The following SLC7A2 variants were observed in gnomAD, a reference collection of about 807,000 sequenced individuals.
SLC7A2 encodes solute carrier family 7 member 2.
A neutral mutation model predicts 58.9 loss-of-function variants in SLC7A2; 48 were observed. The observed-to-expected ratio is 0.82, with a 90% CI of 0.65 to 1.04. The LOEUF (loss-of-function observed/expected upper bound fraction) is 1.04. Among genes scored for constraint, SLC7A2 ranks in the 50% least tolerant of loss-of-function variants. The probability of loss-of-function intolerance (pLI) is 0.00; values close to 1 mark genes in which losing one functional copy is unlikely to be tolerated. For synonymous variants in SLC7A2, 363 were observed against 314.5 expected, an observed-to-expected ratio of 1.15 and a Z score of -1.63; for missense variants, 1,029 against 818.8, an observed-to-expected ratio of 1.26 and a Z score of -3.13.
intron 2 of SLC7A2, among the ~76,000 whole-genome samples, chr8:17,524,706 G>C (rs1404968013): frequency 6.6e-6 from 1 of 151,980 alleles, no homozygotes; most frequent in Non-Finnish European, 1.5e-5. Context: ...CTGGGTACAG[G>C]GTACACTGCT....
upstream of SLC7A2, among the ~76,000 whole-genome samples, chr8:17,495,765 G>C: frequency 6.6e-6 from 1 of 152,188 alleles, no homozygotes; most frequent in Non-Finnish European, 1.5e-5. Context: ...GGCCAGACTG[G>C]TCTCGAACTC....
chr8:17,522,660 C>T (rs1801061881), intron 2 of SLC7A2, among the ~76,000 whole-genome samples: 1 of 152,066 alleles, frequency 6.6e-6, no homozygotes, highest in Non-Finnish European at 1.5e-5. Flanking sequence ...CTGTGTCTCC[C>T]CTGAAGCATA....
Position 17,569,373 on chromosome 8 carries a change from C to T in SLC7A2, c.*4227C>T, listed in dbSNP as rs1803412489. The T allele has an allele frequency of 6.6e-6, 1 of 152,194 alleles. No homozygotes were observed. The highest frequency in any genetic ancestry group is 6.5e-5 in the Admixed American group (1 of 15,282). The allele number at this position is 152,194 out of a possible 1,614,324, so 9.4% of individuals were successfully genotyped here. On this transcript the variant is annotated 3_prime_UTR_variant, in exon 13 of 13. Transcript: ENST00000494857. ...CCTTTTTGCTAGTGCCAAAACAGTGCCTTCTCTGCACACTTTACTTGTTTA... is the reference window on the plus strand; with the variant it reads ...CCTTTTTGCTAGTGCCAAAACAGTGTCTTCTCTGCACACTTTACTTGTTTA...
chr8:17,561,989 A>T lies in SLC7A2; in HGVS notation c.1550A>T (p.His517Leu). Residue 517 changes from histidine (H) to leucine (L), a missense_variant, in exon 11 of 13, where the codon CAT becomes CTT. Transcript: ENST00000494857. ...AGTGTCTTGACCACTTACGGAGTTC[A>T]TGCCATCACCAGGCTGGAGGCCTGG... ...GLSVLTTYGV[H>L]AITRLEAWSL... 1.9e-6 allele frequency: 3 copies of T among 1,614,054 alleles called. No individual in the cohort carries two copies. The highest frequency in any genetic ancestry group is 2.5e-6 in the Non-Finnish European group (3 of 1,180,010).
At chr8:17,562,640 G>T (rs564666563) in intron 11 of SLC7A2, among the ~76,000 whole-genome samples, 1 of 152,036 alleles carries the variant, frequency 6.6e-6, no homozygotes, top group African/African-American at 2.4e-5. Flanking sequence ...AGAATCCTTC[G>T]ATATGTTCCT....
chr8:17,562,177 AG>A, intron 11 of SLC7A2, 67 bp downstream of exon 11: 1 of 601,610 alleles, frequency 1.7e-6, no homozygotes, highest in Admixed American at 4.5e-5. Context: ...TAGTTTGGTA[AG>A]TATTTTTTTT....
At chr8:17,523,650 C>T (rs1194478892) in intron 2 of SLC7A2, among the ~76,000 whole-genome samples, 1 of 152,138 alleles carries the variant, frequency 6.6e-6, no homozygotes, top group African/African-American at 2.4e-5. Flanking sequence ...GACCTGAAAT[C>T]ATAAAAGTTC....
chr8:17,557,420 C>G (rs948151031), intron 8 of SLC7A2, among the ~76,000 whole-genome samples: 1 of 152,066 alleles, frequency 6.6e-6, no homozygotes, highest in African/African-American at 2.4e-5. Flanking sequence ...ACTGATCTCT[C>G]AGATCTAGTA....
intron 2 of SLC7A2, among the ~76,000 whole-genome samples, chr8:17,525,321 A>G (rs1488330292): frequency 2.0e-5 from 3 of 152,198 alleles, no homozygotes; most frequent in African/African-American, 7.2e-5. Flanking sequence ...TGTCATAACC[A>G]TTTCACTATG....
intron 1 of SLC7A2, chr8:17,498,621 C>G (rs1417597393): frequency 6.6e-6 from 1 of 152,196 alleles, no homozygotes; most frequent in Non-Finnish European, 1.5e-5. Flanking sequence ...TTTCAAGTTT[C>G]TTCCCTCGGC....
intron 2 of SLC7A2, among the ~76,000 whole-genome samples, chr8:17,516,689 AT>A (rs1216958040): frequency 1.3e-5 from 2 of 152,056 alleles, no homozygotes; most frequent in Non-Finnish European, 2.9e-5. Context: ...AGTTTCTTTC[AT>A]TGCTCTTTAA....
chr8:17,555,643 C>T (rs1188706305), intron 8 of SLC7A2, among the ~76,000 whole-genome samples: 1 of 152,136 alleles, frequency 6.6e-6, no homozygotes. Context: ...CCAGGGCCAT[C>T]GCAGCCATCT....
chr8:17,557,388 G>T (rs940547296), intron 8 of SLC7A2, among the ~76,000 whole-genome samples: 1 of 152,048 alleles, frequency 6.6e-6, no homozygotes, highest in Admixed American at 6.6e-5. Flanking sequence ...AGTATTTTGG[G>T]ATTTGGTATG....
intron 2 of SLC7A2, among the ~76,000 whole-genome samples, chr8:17,542,239 T>C (rs1249726645): frequency 6.6e-6 from 1 of 152,176 alleles, no homozygotes; most frequent in South Asian, 2.1e-4. Context: ...GAATACGTAA[T>C]GATTAAGTTT....
chr8:17,551,710 T>TGTGAAA, intron 6 of SLC7A2, 54 bp from the exon 7 acceptor site: 1 of 1,293,050 alleles, frequency 7.7e-7, no homozygotes, highest in Non-Finnish European at 1.1e-6. Flanking sequence ...ATTTAATTTC[T>TGTGAAA]TTACCTGTTG....
At position 17,569,955 on chromosome 8, in the gene SLC7A2, G is replaced by A. The variant is rs545151935; in HGVS notation, c.*4809G>A. 2.0e-5 allele frequency: 3 copies of A among 152,252 alleles called. No homozygotes were observed. Among genetic ancestry groups the A allele is most frequent in the African/African-American group, 7.2e-5 (3 of 41,532 alleles). The allele number at this position is 152,252 out of a possible 1,614,324, so 9.4% of individuals were successfully genotyped here. A position where few individuals can be genotyped will look rare whatever the true frequency, so the allele number is the denominator to read the frequency against. ...GGTGGGCTCTTAGACTGATGGGGTA[G>A]GATATGAAGTGAAAGACTTCAAATG... On this transcript the variant is annotated 3_prime_UTR_variant, in exon 13 of 13. Coordinates refer to ENST00000494857, the MANE Select transcript of SLC7A2 (RefSeq NM_001370338.1).
chr8:17,540,571 A>C (rs1801869063), intron 2 of SLC7A2, among the ~76,000 whole-genome samples: 1 of 152,116 alleles, frequency 6.6e-6, no homozygotes, highest in Non-Finnish European at 1.5e-5. Context: ...AAAGCTGTGC[A>C]TTTCTATAAG....
Position 17,562,060 on chromosome 8 carries a change from G to T in SLC7A2, c.1621G>T (p.Val541Phe), listed in dbSNP as rs368801565. The change falls in exon 11 of 13, where the codon GTT becomes TTT. Residue 541 changes from valine (V) to phenylalanine (F), a missense_variant. By Grantham distance (50) the Val-to-Phe change is conservative. Transcript: ENST00000494857. ...ALFLVLFVAI[V>F]LTIWRQPQNQ... ...GTTTCTTGTTCTCTTCGTTGCCATC[G>T]TTCTCACCATCTGGAGGCAGCCCCA... The T allele has an allele frequency of 1.7e-5, 28 of 1,613,748 alleles. No homozygotes were observed. Among genetic ancestry groups the T allele is most frequent in the Non-Finnish European group, 2.4e-5 (28 of 1,179,990 alleles).
chr8:17,538,669 T>C, intron 2 of SLC7A2: 3 of 723,530 alleles, frequency 4.1e-6, no homozygotes, highest in Middle Eastern at 3.8e-4. Flanking sequence ...TTTAACATTG[T>C]AGAAACGTTG....
Sources: allele counts gnomAD v4.1 joint callset (sites outside exome capture counted in the v4.1 genomes callset), GRCh38; gene constraint gnomAD v4.1.1; transcripts MANE v1.5; gene names NCBI Gene and HGNC (gene_info 2026-07-23, HGNC 2026-07-21).